The following ZNF652 variants were observed in gnomAD, a reference collection of about 807,000 sequenced individuals.
ZNF652 encodes the protein zinc finger protein 652.
Under a neutral mutation model 45.2 loss-of-function variants are expected in ZNF652, and 16 were observed. The ratio of observed to expected loss-of-function variants is 0.35; its 90% CI spans 0.24 to 0.54. The LOEUF is 0.54. ZNF652 is among the 20% of genes least tolerant of loss of function. The probability of loss-of-function intolerance (pLI) is 0.91; values close to 1 mark genes in which losing one functional copy is unlikely to be tolerated. For missense variants in ZNF652, 614 were observed against 765.6 expected (o/e 0.80, Z 2.34); for synonymous variants, 250 against 260.6 (o/e 0.96, Z 0.39).
intron 1 of ZNF652, among the ~76,000 whole-genome samples, chr17:49,318,367 C>T (rs9907478): frequency 0.066 from 10,075 of 152,252 alleles, 395 homozygotes; most frequent in Middle Eastern, 0.15. Flanking sequence ...TGAGCCACCA[C>T]GCCTGGCCAA....
intron 1 of ZNF652, among the ~76,000 whole-genome samples, chr17:49,327,379 T>C (rs1019595100): frequency 6.6e-6 from 1 of 151,892 alleles, no homozygotes; most frequent in Non-Finnish European, 1.5e-5. Context: ...GCCAGGCTGG[T>C]CTCGAACTCC....
chr17:49,298,708 G>A lies in ZNF652; in HGVS notation c.1526C>T (p.Thr509Ile). The change falls in exon 6 of 6, where the codon ACA (threonine) becomes ATA (isoleucine). Residue 509 changes from threonine to isoleucine, a missense_variant. Transcript: ENST00000430262. ...NVPPAVQIPL[T>I]TSPATPVPSV... is the part of the protein sequence containing the mutation. ...AGGAACTGGGGTGGCTGGGGAAGTT[G>A]TAAGTGGGATCTGGACAGCAGGTGG... 1 of 1,614,090 alleles carries A rather than the reference G, an allele frequency of 6.2e-7. No individual in the cohort carries two copies.
chr17:49,334,715 GT>G (rs1435105634), intron 1 of ZNF652, among the ~76,000 whole-genome samples: 3 of 151,190 alleles, frequency 2.0e-5, no homozygotes, highest in African/African-American at 4.9e-5. Context: ...GGAGGCAGAG[GT>G]TGCAGTGAGC....
In ZNF652 at chr17:49,292,053, T is replaced by C. The variant is rs1375729400; in HGVS notation, c.*6360A>G. ...GCTGCCTTCTTAGATACCCACCTTG[T>C]GTGGTTATTAGTCTTAAAAACCTGA... On this transcript the variant is annotated 3_prime_UTR_variant, in exon 6 of 6. Transcript: ENST00000430262. 6.6e-6 allele frequency among the ~76,000 whole-genome samples: 1 copy of C among 152,160 alleles called. No homozygotes were observed. Among genetic ancestry groups the C allele is most frequent in the East Asian group, 1.9e-4 (1 of 5,186 alleles).
rs1312911304 is a variant in ZNF652, at chr17:49,317,509, G to A, written c.217C>T (p.His73Tyr). Residue 73 changes from histidine (H) to tyrosine (Y), a missense_variant, in exon 2 of 6, where the codon CAT becomes TAT. Coordinates refer to ENST00000430262, the MANE Select transcript of ZNF652 (RefSeq NM_001145365.3). ...AAATATGGCTGTTCTTCTGTTTCAT[G>A]GAGATGCGGTTTGCTCATCTTGGTG... The part of the protein sequence containing the change: ...VDTKMSKPHL[H>Y]ETEEQPYFRE... 1.2e-6 allele frequency: 2 copies of A among 1,614,066 alleles called. No individual in the cohort carries two copies. Among genetic ancestry groups the A allele is most frequent in the African/African-American group, 1.3e-5 (1 of 75,002 alleles).
At chr17:49,304,461 T>A (rs1160000385) in intron 5 of ZNF652, among the ~76,000 whole-genome samples, 1 of 152,142 alleles carries the variant, frequency 6.6e-6, no homozygotes, top group Non-Finnish European at 1.5e-5. Context: ...TTAAGGTTTC[T>A]CTGAAACCTC....
intron 1 of ZNF652, among the ~76,000 whole-genome samples, chr17:49,327,769 ATATATATATAT>A (rs1400186642): frequency 1.1e-3 from 5 of 4,572 alleles, no homozygotes; most frequent in African/African-American, 4.5e-3. Flanking sequence ...ATATATATAT[ATATATATATAT>A]TTTTTTTTTT....
At chr17:49,341,253 T>A (rs1220601417) in intron 1 of ZNF652, among the ~76,000 whole-genome samples, 1 of 151,404 alleles carries the variant, frequency 6.6e-6, no homozygotes, top group African/African-American at 2.4e-5. Flanking sequence ...AGAAAAACTA[T>A]GACAAAACTA....
intron 1 of ZNF652, among the ~76,000 whole-genome samples, chr17:49,345,574 G>A (rs1389067463): frequency 2.0e-5 from 3 of 150,602 alleles, no homozygotes; most frequent in African/African-American, 7.3e-5. Flanking sequence ...GGGCGTGGTG[G>A]CTCACGCCTG....
chr17:49,305,578 A>C (rs112304830), intron 5 of ZNF652, among the ~76,000 whole-genome samples: 3,989 of 152,258 alleles, frequency 0.026, 163 homozygotes, highest in African/African-American at 0.087. Flanking sequence ...TGCTTACAAC[A>C]GTATCTGGTA....
chr17:49,312,976 C>G, intron 2 of ZNF652, 131 bp from the exon 3 acceptor site: 6 of 806,238 alleles, frequency 7.4e-6, no homozygotes, highest in Middle Eastern at 2.4e-4. Context: ...TATTCTTCCA[C>G]AGAGCCCAGA....
intron 1 of ZNF652, among the ~76,000 whole-genome samples, chr17:49,358,510 C>T (rs1247895805): frequency 6.6e-6 from 1 of 151,978 alleles, no homozygotes; most frequent in Non-Finnish European, 1.5e-5. Flanking sequence ...TTTTTTATAA[C>T]AAGGGAAATG....
At chr17:49,351,863 T>C (rs1598317931) in intron 1 of ZNF652, among the ~76,000 whole-genome samples, 1 of 152,236 alleles carries the variant, frequency 6.6e-6, no homozygotes, top group Admixed American at 6.5e-5. Flanking sequence ...GGCACATGTC[T>C]GTAAGCCCAG....
At chr17:49,300,726 C>T (rs1336807694) in intron 5 of ZNF652, among the ~76,000 whole-genome samples, 1 of 152,186 alleles carries the variant, frequency 6.6e-6, no homozygotes. Context: ...ACTTCCCTTG[C>T]TGCTCCCTCT....
intron 1 of ZNF652, among the ~76,000 whole-genome samples, chr17:49,335,636 T>C (rs900213998): frequency 2.0e-5 from 3 of 152,228 alleles, no homozygotes; most frequent in Admixed American, 6.5e-5. Flanking sequence ...CAAATATATA[T>C]ATAACAGCCA....
At chr17:49,351,012 T>TACACAC (rs1567700249) in intron 1 of ZNF652, among the ~76,000 whole-genome samples, 5 of 20,304 alleles carry the variant, frequency 2.5e-4, no homozygotes, top group African/African-American at 5.6e-4. Flanking sequence ...TATATATATA[T>TACACAC]ATACACACAC....
chr17:49,317,154 C>G lies in ZNF652; in HGVS notation c.572G>C (p.Arg191Thr). ...IVEKVSVTQR[R>T]TRRAASVAAA... is the part of the protein sequence containing the mutation. Reference sequence around the variant, plus strand: ...GGCAACAGAGGCAGCTCTCCTGGTTCTCCTTTGTGTAACGCTGACTTTCTC... The same window carrying G: ...GGCAACAGAGGCAGCTCTCCTGGTTGTCCTTTGTGTAACGCTGACTTTCTC... Residue 191 changes from arginine (R) to threonine (T), a missense_variant, in exon 2 of 6, where the codon AGA becomes ACA. Physicochemically the swap from Arg to Thr is moderately conservative, Grantham distance 71. Around this residue, in one of 5 missense-constraint regions of ZNF652, gnomAD observed 262 missense variants for 306.3 expected, o/e 0.86. Transcript: ENST00000430262. The G allele has an allele frequency of 6.2e-7, 1 of 1,614,002 alleles. No individual in the cohort carries two copies. The highest frequency in any genetic ancestry group is 8.5e-7 in the Non-Finnish European group (1 of 1,180,006).
Position 49,289,791 on chromosome 17 carries a change from A to G in ZNF652, c.*8622T>C, listed in dbSNP as rs1438340615. On this transcript the variant is annotated 3_prime_UTR_variant, in exon 6 of 6. Coordinates refer to ENST00000430262, the MANE Select transcript of ZNF652 (RefSeq NM_001145365.3). ...CTCCGCAGAGAGGTAGGAGAGGGAC[A>G]CTGCCCCATTCTGGACTTGACATAA... is the stretch of plus-strand genomic sequence containing the variant. 6.6e-6 allele frequency: 1 copy of G among 152,338 alleles called. No individual in the cohort carries two copies. The highest frequency in any genetic ancestry group is 2.4e-5 in the African/African-American group (1 of 41,470). The allele number at this position is 152,338 out of a possible 1,614,324, so 9.4% of individuals were successfully genotyped here.
At chr17:49,301,181 C>A (rs1316072007) in intron 5 of ZNF652, among the ~76,000 whole-genome samples, 1 of 152,170 alleles carries the variant, frequency 6.6e-6, no homozygotes, top group Non-Finnish European at 1.5e-5. Flanking sequence ...AAACTGACAT[C>A]CCCTATGGCC....
Sources: allele counts gnomAD v4.1 joint callset (sites outside exome capture counted in the v4.1 genomes callset), GRCh38; gene constraint gnomAD v4.1.1; regional missense constraint gnomAD v4.1.1; transcripts MANE v1.5; gene names NCBI Gene and HGNC (gene_info 2026-07-23, HGNC 2026-07-21).